Variants in DRC9 observed in about 807,000 individuals in gnomAD.
DRC9 encodes dynein regulatory complex protein 9.
chr3:197,913,100 G>A, the DRC9 span: 1 of 216,780 alleles, frequency 4.6e-6, no homozygotes, highest in South Asian at 8.1e-5. Flanking sequence ...GTCAGTCTCA[G>A]AGCGAGGAGT....
At chr3:197,898,395 A>G in the DRC9 span, among the ~76,000 whole-genome samples, 13 of 152,360 alleles carry the variant, frequency 8.5e-5, no homozygotes, top group East Asian at 2.5e-3. Flanking sequence ...AAAAGTGAAA[A>G]TAAATGAATT....
chr3:197,921,326 T>C, the DRC9 span, among the ~76,000 whole-genome samples: 13 of 102,924 alleles, frequency 1.3e-4, 1 homozygote, highest in South Asian at 3.3e-4. Context: ...GGGATTTAAC[T>C]TGGTTTCTTC....
chr3:197,899,169 A>G, the DRC9 span, among the ~76,000 whole-genome samples: 1 of 152,210 alleles, frequency 6.6e-6, no homozygotes, highest in Non-Finnish European at 1.5e-5. Context: ...CTCCAATTAA[A>G]TATAACCAGA....
At chr3:197,924,400 A>G in the DRC9 span, among the ~76,000 whole-genome samples, 2 of 152,224 alleles carry the variant, frequency 1.3e-5, no homozygotes, top group African/African-American at 2.4e-5. Flanking sequence ...AAAATGAAAT[A>G]TATAAATAAA....
chr3:197,931,867 C>T, the DRC9 span, among the ~76,000 whole-genome samples: 62 of 152,028 alleles, frequency 4.1e-4, no homozygotes, highest in Non-Finnish European at 7.2e-4. Flanking sequence ...CCTCGTGATC[C>T]GCCCGCCTCA....
At chr3:197,942,615 C>G in the DRC9 span, among the ~76,000 whole-genome samples, 2 of 151,796 alleles carry the variant, frequency 1.3e-5, no homozygotes, top group African/African-American at 2.4e-5. Context: ...GTCATAGAAT[C>G]AGACATAAGA....
chr3:197,926,721 T>C, the DRC9 span, among the ~76,000 whole-genome samples: 15 of 152,076 alleles, frequency 9.9e-5, no homozygotes, highest in African/African-American at 3.1e-4. Flanking sequence ...GGGATGGGCC[T>C]TTCCTGGGGA....
At chr3:197,953,836 T>C in the DRC9 span, 1 of 696,470 alleles carries the variant, frequency 1.4e-6, no homozygotes, top group East Asian at 2.7e-5. Flanking sequence ...TGGCATACAA[T>C]AGTTACTCGA....
chr3:197,893,048 T>G, the DRC9 span, among the ~76,000 whole-genome samples: 1 of 152,150 alleles, frequency 6.6e-6, no homozygotes, highest in Non-Finnish European at 1.5e-5. Context: ...CACATTTTAC[T>G]TGTATGTTAG....
At chr3:197,939,132 G>C in the DRC9 span, 15 of 205,304 alleles carry the variant, frequency 7.3e-5, no homozygotes, top group East Asian at 8.1e-4. Context: ...TAGAGATCTT[G>C]GTTCCACTTC....
chr3:197,890,968 G>GT, the DRC9 span, among the ~76,000 whole-genome samples: 4 of 152,138 alleles, frequency 2.6e-5, no homozygotes, highest in African/African-American at 4.8e-5. Context: ...TGACCTGCCA[G>GT]TTTCATCATC....
At chr3:197,903,067 A>G in the DRC9 span, among the ~76,000 whole-genome samples, 4 of 152,238 alleles carry the variant, frequency 2.6e-5, no homozygotes, top group Admixed American at 2.0e-4. Context: ...TACCAAGAAC[A>G]AACACTGGGG....
the DRC9 span, among the ~76,000 whole-genome samples, chr3:197,902,469 A>G: frequency 6.6e-6 from 1 of 152,152 alleles, no homozygotes; most frequent in East Asian, 1.9e-4. Context: ...AAGAAATTCA[A>G]GATAACACAG....
chr3:197,905,459 A>G, the DRC9 span, among the ~76,000 whole-genome samples: 1 of 152,202 alleles, frequency 6.6e-6, no homozygotes, highest in African/African-American at 2.4e-5. Flanking sequence ...TATTAAAGGA[A>G]TAACAGGCCG....
the DRC9 span, among the ~76,000 whole-genome samples, chr3:197,927,953 G>T: frequency 7.1e-6 from 1 of 139,966 alleles, no homozygotes; most frequent in African/African-American, 2.7e-5. Flanking sequence ...ACTGGGGCCT[G>T]TTGTGGGGTG....
the DRC9 span, chr3:197,954,346 T>TG: frequency 3.7e-5 from 23 of 628,416 alleles, no homozygotes; most frequent in African/African-American, 5.5e-5. Context: ...GTTTTTTTTT[T>TG]GGGGGGAGAC....
the DRC9 span, among the ~76,000 whole-genome samples, chr3:197,949,151 T>G: frequency 5.3e-5 from 8 of 152,320 alleles, no homozygotes; most frequent in East Asian, 1.5e-3. Context: ...ACTTGCTCAT[T>G]GTGTTGCTCC....
chr3:197,892,072 T>A, the DRC9 span, among the ~76,000 whole-genome samples: 1 of 152,186 alleles, frequency 6.6e-6, no homozygotes, highest in Non-Finnish European at 1.5e-5. Context: ...GTATTTTTAG[T>A]AGAGATAGGG....
chr3:197,952,426 C>T, the DRC9 span: 9 of 152,144 alleles, frequency 5.9e-5, no homozygotes, highest in Admixed American at 2.6e-4. Context: ...CCTCAGCCTC[C>T]CAAAGTGCTG....
Sources: gnomAD v4.1 joint callset for allele counts (sites outside exome capture counted in the v4.1 genomes callset) on GRCh38, gnomAD v4.1.1 for gene constraint, MANE v1.5 for transcripts, NCBI Gene and HGNC (gene_info 2026-07-23, HGNC 2026-07-21) for gene names.